KDM4B: variants seen among roughly 807,000 people sequenced by gnomAD.
The protein encoded by KDM4B is lysine demethylase 4B, also known as lysine-specific demethylase 4B.
In KDM4B, 32 loss-of-function variants were observed where a neutral mutation model predicts 125.2. That is an observed-to-expected ratio of 0.26 (90% CI 0.19 to 0.34). The LOEUF (loss-of-function observed/expected upper bound fraction) is 0.34. Ranked by LOEUF, KDM4B falls within the 10% of genes least tolerant of loss-of-function variation. KDM4B has a pLI of 1.00. For synonymous variants in KDM4B, 721 were observed against 677.9 expected (o/e 1.06, Z -0.99); for missense variants, 1,190 against 1,577.7 (o/e 0.75, Z 4.16).
At chr19:5,150,478 T>G (rs1568329756) in intron 22 of KDM4B, 28 bp downstream of exon 22, 1 of 1,511,368 alleles carries the variant, frequency 6.6e-7, no homozygotes, top group East Asian at 2.5e-5. Context: ...GCCTGGTGGC[T>G]CCGGGTGACT....
At chr19:5,067,829 G>A (rs2037822086) in intron 6 of KDM4B, among the ~76,000 whole-genome samples, 1 of 152,140 alleles carries the variant, frequency 6.6e-6, no homozygotes, top group South Asian at 2.1e-4. Context: ...CGTGCCACCC[G>A]GGCACACAGG....
At chr19:5,030,740 G>A (rs768839180) in intron 2 of KDM4B, among the ~76,000 whole-genome samples, 1 of 152,200 alleles carries the variant, frequency 6.6e-6, no homozygotes, top group Non-Finnish European at 1.5e-5. Context: ...GCCCCTCGTG[G>A]GCCTCTGTGC....
At chr19:5,048,363 T>C (rs858423) in intron 6 of KDM4B, among the ~76,000 whole-genome samples, 120,266 of 152,252 alleles carry the variant, frequency 0.79, 48,341 homozygotes, top group East Asian at 0.94. Context: ...TGCGTGTGTG[T>C]GCCCCTGTGT....
At position 5,132,700 on chromosome 19, in the gene KDM4B, C is replaced by G. The variant is rs114967354; in HGVS notation, c.1906+693C>G. Among the ~76,000 whole-genome samples the G allele has an allele frequency of 8.4e-3, 1,257 of 149,412 alleles. 15 individuals carry two copies. The highest frequency in any genetic ancestry group is 0.03 in the African/African-American group (1,205 of 40,482). On this transcript the variant is annotated intron_variant, in intron 13 of 22. Coordinates refer to ENST00000159111, the MANE Select transcript of KDM4B (RefSeq NM_015015.3). ...CCAGGTATCCTTCCAGAAGGCATCT[C>G]TGGGGCCTCCGTGGACTCCCCCACT...
chr19:5,054,222 C>T (rs992382076), intron 6 of KDM4B, among the ~76,000 whole-genome samples: 62 of 152,170 alleles, frequency 4.1e-4, no homozygotes, highest in Admixed American at 6.5e-5. Flanking sequence ...ATAGCTGGGA[C>T]CACAGGCACG....
intron 21 of KDM4B, among the ~76,000 whole-genome samples, chr19:5,148,930 C>T (rs1200622427): frequency 1.3e-5 from 2 of 152,238 alleles, no homozygotes; most frequent in African/African-American, 4.8e-5. Context: ...CTCCTCCACA[C>T]ATCCCCGAGA....
At chr19:5,087,512 C>T (rs975951525) in intron 9 of KDM4B, among the ~76,000 whole-genome samples, 11 of 152,204 alleles carry the variant, frequency 7.2e-5, no homozygotes, top group African/African-American at 2.4e-4. Context: ...CAGGATTGGC[C>T]CCAGTGAGAG....
chr19:5,019,848 TGGTGTGCAGGTGTCGGTGTG>T (rs2036040689), intron 2 of KDM4B, among the ~76,000 whole-genome samples: 3 of 117,822 alleles, frequency 2.5e-5, no homozygotes, highest in Non-Finnish European at 5.2e-5. Flanking sequence ...GTGTGGACGT[TGGTGTGCAGGTGTCGGTGTG>T]GGTGTGCAGG....
chr19:5,027,494 T>G (rs1568237718), intron 2 of KDM4B, among the ~76,000 whole-genome samples: 1 of 152,164 alleles, frequency 6.6e-6, no homozygotes, highest in Non-Finnish European at 1.5e-5. Context: ...AGCATTATTC[T>G]TTCTTCTTTC....
At position 5,115,188 on chromosome 19, in the gene KDM4B, A is replaced by G. The variant is rs2039231237; in HGVS notation, c.1115+4370A>G. ...CCACAGAAAGACACAGTGGGCAGAC[A>G]TGGGCAGCTCCTGGAGGGCTGCAGG... On this transcript the variant is annotated intron_variant, in intron 10 of 22. Coordinates refer to ENST00000159111, the MANE Select transcript of KDM4B (RefSeq NM_015015.3). The surrounding 1 kb of genome is among the most constrained non-coding windows in gnomAD (Gnocchi z 4.2). Among the ~76,000 whole-genome samples, 1 of 152,166 alleles carries G rather than the reference A, an allele frequency of 6.6e-6. No homozygotes were observed. The highest frequency in any genetic ancestry group is 2.1e-4 in the South Asian group (1 of 4,832).
At chr19:5,102,287 G>T (rs1351783867) in intron 9 of KDM4B, among the ~76,000 whole-genome samples, 5 of 152,222 alleles carry the variant, frequency 3.3e-5, no homozygotes, top group African/African-American at 1.2e-4. Context: ...GATGGGTGGC[G>T]TGGGCTTGCC....
At chr19:5,053,296 A>G (rs2037290607) in intron 6 of KDM4B, among the ~76,000 whole-genome samples, 2 of 152,192 alleles carry the variant, frequency 1.3e-5, no homozygotes, top group Non-Finnish European at 2.9e-5. Flanking sequence ...TCAGACTGAG[A>G]AGACCCACCA....
intron 5 of KDM4B, chr19:5,047,184 G>T (rs754040084): frequency 2.9e-4 from 107 of 367,746 alleles, no homozygotes; most frequent in South Asian, 6.7e-4. Context: ...ATAGCCTATA[G>T]TCCCAGGTAC....
chr19:5,084,651 A>C (rs1464513288), intron 9 of KDM4B, among the ~76,000 whole-genome samples: 2 of 147,010 alleles, frequency 1.4e-5, no homozygotes, highest in Admixed American at 6.9e-5. Flanking sequence ...TGTATGTATA[A>C]TTAAGATGGA....
At position 5,120,029 on chromosome 19, in the gene KDM4B, A is replaced by G. The variant is rs186321897; in HGVS notation, c.1315+177A>G. Reference sequence around the variant, plus strand: ...ATAGACATCGTAAGGTGGAGGCCGTAAGAAAAGTGCCTCCGTCCCCAGAAT... The same window carrying G: ...ATAGACATCGTAAGGTGGAGGCCGTGAGAAAAGTGCCTCCGTCCCCAGAAT... On this transcript the variant is annotated intron_variant, in intron 11 of 22. Coordinates refer to ENST00000159111, the MANE Select transcript of KDM4B (RefSeq NM_015015.3). 2.0e-5 allele frequency among the ~76,000 whole-genome samples: 3 copies of G among 152,370 alleles called. No homozygotes were observed. In the East Asian group the frequency reaches 5.8e-4, roughly 29 times the overall value.
chr19:5,000,496 TC>T (rs2035351261), intron 1 of KDM4B, among the ~76,000 whole-genome samples: 2 of 152,014 alleles, frequency 1.3e-5, no homozygotes. Flanking sequence ...AACCTCTAGT[TC>T]CAGCCCCACA....
intron 7 of KDM4B, among the ~76,000 whole-genome samples, chr19:5,071,907 C>T (rs893404151): frequency 3.9e-5 from 6 of 152,250 alleles, no homozygotes; most frequent in African/African-American, 1.4e-4. Flanking sequence ...CCATTCCCAG[C>T]TGCTCAAGAG....
chr19:5,006,043 G>A (rs2035547237), intron 1 of KDM4B, among the ~76,000 whole-genome samples: 1 of 152,124 alleles, frequency 6.6e-6, no homozygotes, highest in Non-Finnish European at 1.5e-5. Flanking sequence ...TCATGGGTAG[G>A]GGACAGTTTT....
At chr19:5,123,496 T>G (rs867276466) in intron 11 of KDM4B, among the ~76,000 whole-genome samples, 1 of 152,120 alleles carries the variant, frequency 6.6e-6, no homozygotes, top group African/African-American at 2.4e-5. Context: ...CATAACTCAT[T>G]CCGTCTGCAG....
Sources: gnomAD v4.1 joint callset for allele counts (sites outside exome capture counted in the v4.1 genomes callset) on GRCh38, gnomAD v4.1.1 for gene constraint, Gnocchi (gnomAD v3.1) non-coding constraint, MANE v1.5 for transcripts, NCBI Gene and HGNC (gene_info 2026-07-23, HGNC 2026-07-21) for gene names.